DMD: variants seen among roughly 807,000 people sequenced by gnomAD.
DMD encodes mutant dystrophin.
A neutral mutation model predicts 330.1 loss-of-function variants in DMD; 63 were observed. That is an observed-to-expected ratio of 0.19 (90% confidence interval 0.16 to 0.24). DMD has a LOEUF of 0.24. Ranked by LOEUF, DMD falls within the 10% of genes least tolerant of loss-of-function variation. The pLI, the probability that DMD is intolerant of heterozygous loss-of-function variation, is 1.00. For synonymous variants in DMD, 1,223 were observed against 959.8 expected, an observed-to-expected ratio of 1.27 and a Z score of -5.07; for missense variants, 3,344 against 2,684.1, an observed-to-expected ratio of 1.25 and a Z score of -5.43.
chrX:32,610,160 T>C (rs1569302391), intron 12 of DMD, among the ~76,000 whole-genome samples: 1 of 111,215 alleles, frequency 9.0e-6, no homozygotes, highest in Non-Finnish European at 1.9e-5. Context: ...ATATGTGATA[T>C]ATTTTTTCAC....
At chrX:31,715,222 G>T (rs186058400) in intron 52 of DMD, among the ~76,000 whole-genome samples, 4 of 93,470 alleles carry the variant, frequency 4.3e-5, no homozygotes, top group South Asian at 4.3e-4. Flanking sequence ...GGGGTTGGTG[G>T]GGGGGGAGCT....
chrX:31,919,689 C>A (rs761845110), intron 47 of DMD, among the ~76,000 whole-genome samples: 3 of 112,122 alleles, frequency 2.7e-5, no homozygotes, highest in Non-Finnish European at 3.8e-5. Context: ...TAGCAACAAA[C>A]AATGAAATGC....
chrX:32,018,919 A>C (rs2095787472), intron 44 of DMD, among the ~76,000 whole-genome samples: 1 of 111,609 alleles, frequency 9.0e-6, no homozygotes, highest in Non-Finnish European at 1.9e-5. Context: ...CTTACTTCAC[A>C]ATAGGTCTCA....
At chrX:32,868,953 C>G (rs769348782) in intron 2 of DMD, among the ~76,000 whole-genome samples, 21 of 111,703 alleles carry the variant, frequency 1.9e-4, no homozygotes, top group Admixed American at 5.7e-4. Flanking sequence ...CTGGGTGAGA[C>G]CCACCCCCAA....
At chrX:31,800,821 A>ACAGTGTCCTTTGCT (rs916808302) in intron 50 of DMD, among the ~76,000 whole-genome samples, 5 of 111,707 alleles carry the variant, frequency 4.5e-5, no homozygotes, top group Non-Finnish European at 9.4e-5. Context: ...AAGCTTAGCA[A>ACAGTGTCCTTTGCT]CAGTGTCCTT....
intron 1 of DMD, among the ~76,000 whole-genome samples, chrX:33,065,401 G>A (rs1300779987): frequency 1.8e-5 from 2 of 112,359 alleles, no homozygotes; most frequent in African/African-American, 6.5e-5. Flanking sequence ...TACTTTTAAT[G>A]AGATAGAAAC....
intron 2 of DMD, among the ~76,000 whole-genome samples, chrX:32,853,843 C>A (rs770199962): frequency 9.6e-6 from 1 of 104,649 alleles, no homozygotes; most frequent in Non-Finnish European, 1.9e-5. Flanking sequence ...ACAAGAAACA[C>A]GCTTCACCTA....
intron 44 of DMD, among the ~76,000 whole-genome samples, chrX:32,008,908 A>G (rs1413372733): frequency 9.0e-6 from 1 of 111,407 alleles, no homozygotes; most frequent in African/African-American, 3.3e-5. Context: ...GTTTGCATGA[A>G]CCCAGAATAT....
At chrX:31,839,402 T>C (rs1350857514) in intron 48 of DMD, among the ~76,000 whole-genome samples, 3 of 112,062 alleles carry the variant, frequency 2.7e-5, no homozygotes, top group African/African-American at 9.7e-5. Flanking sequence ...TTTGAGCCTA[T>C]GGGAATTGAG....
At chrX:31,371,657 T>C (rs953511280) in intron 60 of DMD, among the ~76,000 whole-genome samples, 1 of 111,370 alleles carries the variant, frequency 9.0e-6, no homozygotes, top group Non-Finnish European at 1.9e-5. Context: ...CTTCCAGCAC[T>C]CAGCAAATAG....
intron 47 of DMD, among the ~76,000 whole-genome samples, chrX:31,887,613 T>A (rs1407538365): frequency 8.9e-6 from 1 of 112,050 alleles, no homozygotes; most frequent in Non-Finnish European, 1.9e-5. Flanking sequence ...AAGTTCCACC[T>A]CCTCAGAGAA....
chrX:32,090,829 G>C, intron 44 of DMD, among the ~76,000 whole-genome samples: 1 of 111,091 alleles, frequency 9.0e-6, no homozygotes, highest in African/African-American at 3.3e-5. Flanking sequence ...ACAGACCCTG[G>C]TTAAAGGAGA....
chrX:32,191,366 T>C (rs747915544), intron 44 of DMD, among the ~76,000 whole-genome samples: 3 of 112,280 alleles, frequency 2.7e-5, no homozygotes, highest in African/African-American at 9.7e-5. Context: ...GGCTTCTCAA[T>C]GTATGAACAA....
intron 62 of DMD, among the ~76,000 whole-genome samples, chrX:31,287,776 A>G (rs1466502142): frequency 1.8e-5 from 2 of 112,248 alleles, no homozygotes; most frequent in African/African-American, 6.5e-5. Context: ...TACATTTTTT[A>G]ATTATATGCT....
intron 13 of DMD, among the ~76,000 whole-genome samples, chrX:32,592,526 C>T (rs913515758): frequency 9.0e-6 from 1 of 111,372 alleles, no homozygotes; most frequent in Non-Finnish European, 1.9e-5. Context: ...AGCTACCCAC[C>T]GTGGTATCCT....
chrX:32,508,807 A>C (rs1177457133), intron 18 of DMD, among the ~76,000 whole-genome samples: 1 of 110,855 alleles, frequency 9.0e-6, no homozygotes, highest in African/African-American at 3.3e-5. Context: ...AAATTTAGGA[A>C]ACTTTTTTTT....
At chrX:31,174,910 C>CAT (rs1433432300) in intron 71 of DMD, among the ~76,000 whole-genome samples, 1 of 111,137 alleles carries the variant, frequency 9.0e-6, no homozygotes, top group African/African-American at 3.3e-5. Flanking sequence ...CAAGTGTAAT[C>CAT]ATAATCAAAT....
chrX:31,152,182 A>ATTTTTT, intron 74 of DMD, among the ~76,000 whole-genome samples: 1 of 97,862 alleles, frequency 1.0e-5, no homozygotes, highest in African/African-American at 4.6e-5. Flanking sequence ...GCCTTTAAGC[A>ATTTTTT]TCTTTTTTTT....
chrX:33,033,165 T>C (rs1388849045), intron 1 of DMD, among the ~76,000 whole-genome samples: 4 of 111,148 alleles, frequency 3.6e-5, no homozygotes, highest in African/African-American at 1.3e-4. Context: ...TCAATTTTTA[T>C]TCAGCTTGAG....
Sources: gnomAD v4.1 joint callset for allele counts (sites outside exome capture counted in the v4.1 genomes callset) on GRCh38, gnomAD v4.1.1 for gene constraint, MANE v1.5 for transcripts, NCBI Gene and HGNC (gene_info 2026-07-23, HGNC 2026-07-21) for gene names.